The following RPS6KA1 variants were observed in gnomAD, a reference collection of about 807,000 sequenced individuals.
The protein encoded by RPS6KA1 is ribosomal protein S6 kinase A1.
Under a neutral mutation model 91.3 loss-of-function variants are expected in RPS6KA1, and 48 were observed. That is an observed-to-expected ratio of 0.53 (90% CI 0.42 to 0.67). RPS6KA1 has a LOEUF of 0.67. Among genes scored for constraint, RPS6KA1 ranks in the 30% least tolerant of loss-of-function variants. The pLI is 0.00. For synonymous variants in RPS6KA1, 359 were observed against 384.7 expected (o/e 0.93, Z 0.78); for missense variants, 719 against 960.5 (o/e 0.75, Z 3.32).
chr1:26,568,993 A>G (rs1570463187), intron 17 of RPS6KA1, among the ~76,000 whole-genome samples: 1 of 152,042 alleles, frequency 6.6e-6, no homozygotes, highest in Non-Finnish European at 1.5e-5. Context: ...GCCAGAGTTT[A>G]AAACCAGCCT....
intron 4 of RPS6KA1, among the ~76,000 whole-genome samples, chr1:26,549,690 CTTTT>C (rs561375723): frequency 3.9e-5 from 4 of 101,930 alleles, no homozygotes; most frequent in Admixed American, 1.2e-4. Context: ...AAAGCCTGTT[CTTTT>C]TTTTTTTTTT....
Position 26,571,370 on chromosome 1 carries a change from C to A in RPS6KA1, c.1591-79C>A. Reference sequence around the variant, plus strand: ...GTCCCTCTGCACCCTGTCTGTGTAGCTTTCTAATCTCTGGCCGCTGACCTG... The same window carrying A: ...GTCCCTCTGCACCCTGTCTGTGTAGATTTCTAATCTCTGGCCGCTGACCTG... On this transcript the variant is annotated intron_variant, in intron 17 of 21. Coordinates refer to ENST00000374168, the MANE Select transcript of RPS6KA1 (RefSeq NM_002953.4). This position sits in a 1 kb window ranked among gnomAD's most constrained non-coding sequence, Gnocchi z 5.1. The A allele has an allele frequency of 1.4e-6, 2 of 1,415,274 alleles. No homozygotes were observed. Among genetic ancestry groups the A allele is most frequent in the Non-Finnish European group, 2.0e-6 (2 of 1,010,940 alleles). The allele number at this position is 1,415,274 out of a possible 1,614,324, so 87.7% of individuals were successfully genotyped here.
chr1:26,550,784 G>A (rs756895330), intron 4 of RPS6KA1, among the ~76,000 whole-genome samples: 7 of 152,216 alleles, frequency 4.6e-5, no homozygotes, highest in Admixed American at 6.5e-5. Context: ...ATTAAGGAGC[G>A]CTTCCTGGAG....
rs1174979371 is a variant in RPS6KA1 at position 26,540,699 on chromosome 1, C to T, written c.108+3730C>T. 2.0e-5 allele frequency among the ~76,000 whole-genome samples: 3 copies of T among 152,220 alleles called. No homozygotes were observed. Among genetic ancestry groups the T allele is most frequent in the Non-Finnish European group, 2.9e-5 (2 of 68,042 alleles). On this transcript the variant is annotated intron_variant, in intron 2 of 21. Coordinates refer to ENST00000374168, the MANE Select transcript of RPS6KA1 (RefSeq NM_002953.4). The surrounding 1 kb of genome is among the most constrained non-coding windows in gnomAD (Gnocchi z 4.2). ...CAAGTGATCCTCCTACCTCAGCTAC[C>T]GGAGTAGCTGGGACTACAGGCGCAC...
At chr1:26,530,881 C>T (rs1170193362) in intron 1 of RPS6KA1, 1 of 1,277,248 alleles carries the variant, frequency 7.8e-7, no homozygotes, top group Non-Finnish European at 1.0e-6. Flanking sequence ...TCCTCCTTAA[C>T]CTCTTGCTGG....
Position 26,556,723 on chromosome 1 carries a change from G to A in RPS6KA1, c.981+5G>A, listed in dbSNP as rs955484140. The stretch of plus-strand genomic sequence containing the variant: ...TACTCCACCATTGACTGGAATGTGA[G>A]TGTGTCCACCCACACCAGGGCTCTG... On this transcript the variant is annotated splice_donor_5th_base_variant and intron_variant, in intron 12 of 21. Transcript: ENST00000374168. The A allele has an allele frequency of 6.2e-7, 1 of 1,614,030 alleles. No homozygotes were observed. Among genetic ancestry groups the A allele is most frequent in the Non-Finnish European group, 8.5e-7 (1 of 1,179,988 alleles).
In RPS6KA1 at chr1:26,562,825, C is replaced by CTTTT. The variant is rs748764001; in HGVS notation, c.1590+1186_1590+1189dup. On this transcript the variant is annotated intron_variant, in intron 17 of 21. Transcript: ENST00000374168. The stretch of plus-strand genomic sequence containing the variant: ...ATAGACACATTTTTCTCCTATTGTC[C>CTTTT]TTTTTTTTTTTTTTTTTTTTTTTTT... 2.3e-4 allele frequency among the ~76,000 whole-genome samples: 19 copies of CTTTT among 81,444 alleles called. 1 individual carries two copies. The highest frequency in any genetic ancestry group is 7.1e-4 in the African/African-American group (14 of 19,742). 53.4% of individuals were successfully genotyped at this position (81,444 alleles called of 152,430 possible).
In RPS6KA1 at chr1:26,555,258, T is replaced by C; in HGVS notation, c.827+37T>C. 6.2e-7 allele frequency: 1 copy of C among 1,601,232 alleles called. No homozygotes were observed. Among genetic ancestry groups the C allele is most frequent in the Non-Finnish European group, 8.6e-7 (1 of 1,168,696 alleles). On this transcript the variant is annotated intron_variant, in intron 10 of 21. Transcript: ENST00000374168. The surrounding 1 kb of genome is among the most constrained non-coding windows in gnomAD (Gnocchi z 4.3). ...CCCTGCCCTGATAACAATGGACTCC[T>C]CCAAGCCCCAGCCCCAGTTTGGGGG...
Position 26,529,811 on chromosome 1 carries a change from G to C in RPS6KA1, c.-110G>C. On this transcript the variant is annotated 5_prime_UTR_variant, in exon 1 of 22. Transcript: ENST00000374168. This position sits in a 1 kb window ranked among gnomAD's most constrained non-coding sequence, Gnocchi z 4.2. ...GGCGGACGGCCCAGCCGGAGCGCGA[G>C]GGGCTCGGGGGGGCGCGGCGGTTCG... is the stretch of plus-strand genomic sequence containing the variant. 1 of 780,166 alleles carries C rather than the reference G, an allele frequency of 1.3e-6. No individual in the cohort carries two copies. The highest frequency in any genetic ancestry group is 1.7e-6 in the Non-Finnish European group (1 of 594,646). 48.3% of individuals were successfully genotyped at this position (780,166 alleles called of 1,614,324 possible). A position where few individuals can be genotyped will look rare whatever the true frequency, so the allele number is the denominator to read the frequency against.
rs1238166030 is a variant in RPS6KA1 at position 26,540,913 on chromosome 1, C to A, written c.108+3944C>A. ...TCAAGCGATTCTCCTGCCTCAGCCT[C>A]CGTAGTAGCTGGGATTGCAGGCATA... is the stretch of plus-strand genomic sequence containing the variant. On this transcript the variant is annotated intron_variant, in intron 2 of 21. Coordinates refer to ENST00000374168, the MANE Select transcript of RPS6KA1 (RefSeq NM_002953.4). The surrounding 1 kb of genome is among the most constrained non-coding windows in gnomAD (Gnocchi z 4.2). 6.6e-6 allele frequency among the ~76,000 whole-genome samples: 1 copy of A among 152,214 alleles called. No individual in the cohort carries two copies. Among genetic ancestry groups the A allele is most frequent in the African/African-American group, 2.4e-5 (1 of 41,462 alleles).
chr1:26,567,295 A>G (rs942653246), intron 17 of RPS6KA1, among the ~76,000 whole-genome samples: 4 of 151,920 alleles, frequency 2.6e-5, no homozygotes, highest in African/African-American at 9.7e-5. Flanking sequence ...CAAACTGCTG[A>G]GATTTACAGG....
chr1:26,562,181 GC>G (rs1279399915), intron 17 of RPS6KA1, among the ~76,000 whole-genome samples: 1 of 152,174 alleles, frequency 6.6e-6, no homozygotes, highest in African/African-American at 2.4e-5. Context: ...TACAGCCTGG[GC>G]AACAGAGCGA....
intron 1 of RPS6KA1, 113 bp downstream of exon 1, chr1:26,530,096 G>A: frequency 1.7e-6 from 1 of 602,606 alleles, no homozygotes; most frequent in South Asian, 6.4e-5. Flanking sequence ...GAGGGCGCGA[G>A]TGCCCTCCGA....
At chr1:26,530,628 G>A in intron 1 of RPS6KA1, 1 of 562,148 alleles carries the variant, frequency 1.8e-6, no homozygotes, top group Non-Finnish European at 2.7e-6. Flanking sequence ...GGGCGTGGGG[G>A]GACCTTGGTG....
intron 2 of RPS6KA1, among the ~76,000 whole-genome samples, chr1:26,542,747 G>T (rs906134119): frequency 2.6e-5 from 4 of 152,096 alleles, no homozygotes; most frequent in Non-Finnish European, 2.9e-5. Flanking sequence ...GCTATGGAGG[G>T]GTGGGACACA....
At chr1:26,541,373 G>A (rs889578383) in intron 2 of RPS6KA1, among the ~76,000 whole-genome samples, 1 of 151,864 alleles carries the variant, frequency 6.6e-6, no homozygotes, top group Non-Finnish European at 1.5e-5. Flanking sequence ...TGGGCAACAT[G>A]ATGAAACCCT....
chr1:26,557,459 C>T (rs2076112874), intron 13 of RPS6KA1, among the ~76,000 whole-genome samples: 1 of 152,162 alleles, frequency 6.6e-6, no homozygotes, highest in African/African-American at 2.4e-5. Flanking sequence ...GAATCTGACC[C>T]AGCCACACTG....
chr1:26,564,683 G>A (rs1246101893), intron 17 of RPS6KA1, among the ~76,000 whole-genome samples: 1 of 152,188 alleles, frequency 6.6e-6, no homozygotes, highest in Admixed American at 6.6e-5. Context: ...GGTTGTGAAA[G>A]TGGCGATGCC....
In RPS6KA1 at chr1:26,554,683, T is replaced by C. The variant is rs1328434215; in HGVS notation, c.701T>C (p.Val234Ala). 11 of 1,613,268 alleles carry C rather than the reference T, an allele frequency of 6.8e-6. No individual in the cohort carries two copies. The highest frequency in any genetic ancestry group is 9.3e-6 in the Non-Finnish European group (11 of 1,179,312). Residue 234 changes from valine to alanine, a missense_variant, in exon 9 of 22, where the codon GTC becomes GCC. By Grantham distance (64) the Val-to-Ala change is moderately conservative (BLOSUM62 0). Around this residue, in one of 5 missense-constraint regions of RPS6KA1, gnomAD observed 159 missense variants for 264.5 expected, o/e 0.60. Coordinates refer to ENST00000374168, the MANE Select transcript of RPS6KA1 (RefSeq NM_002953.4). This position sits in a 1 kb window ranked among gnomAD's most constrained non-coding sequence, Gnocchi z 4.6. ...GTGGAGTACATGGCCCCTGAGGTCGTCAACCGCCAGGGCCACTCCCATAGT... is the reference window on the plus strand; with the variant it reads ...GTGGAGTACATGGCCCCTGAGGTCGCCAACCGCCAGGGCCACTCCCATAGT... The part of the protein sequence containing the change: ...GTVEYMAPEV[V>A]NRQGHSHSAD...
Sources: allele counts gnomAD v4.1 joint callset (sites outside exome capture counted in the v4.1 genomes callset), GRCh38; gene constraint gnomAD v4.1.1; regional missense constraint gnomAD v4.1.1; non-coding constraint Gnocchi (gnomAD v3.1); transcripts MANE v1.5; gene names NCBI Gene and HGNC (gene_info 2026-07-23, HGNC 2026-07-21).